Variants in DNAH2 observed in about 807,000 individuals in gnomAD.
The protein encoded by DNAH2 is axonemal beta dynein heavy chain 2.
Under a neutral mutation model 523.5 loss-of-function variants are expected in DNAH2, and 323 were observed. The observed-to-expected ratio is 0.62, with a 90% CI of 0.56 to 0.68. The LOEUF is 0.68. Among genes scored for constraint, DNAH2 ranks in the 30% least tolerant of loss-of-function variants. DNAH2 has a pLI of 0.00. For missense variants in DNAH2, 4,907 were observed against 5,701.5 expected (o/e 0.86, Z 4.49); for synonymous variants, 2,093 against 2,177.4 (o/e 0.96, Z 1.08).
intron 33 of DNAH2, 98 bp downstream of exon 33, chr17:7,777,732 AC>A: frequency 6.8e-7 from 1 of 1,461,728 alleles, no homozygotes; most frequent in Middle Eastern, 2.4e-4. Flanking sequence ...TCCTAAGCCA[AC>A]CCTTAGTCCT....
At position 7,737,149 on chromosome 17, in the gene DNAH2, C is replaced by T; in HGVS notation, c.1061C>T (p.Pro354Leu). 1 of 1,614,028 alleles carries T rather than the reference C, an allele frequency of 6.2e-7. No individual in the cohort carries two copies. Among genetic ancestry groups the T allele is most frequent in the Non-Finnish European group, 8.5e-7 (1 of 1,180,018 alleles). The change falls in exon 8 of 86, where the codon CCC becomes CTC. Residue 354 changes from proline (P) to leucine (L), a missense_variant. By Grantham distance (98) the Pro-to-Leu change is moderately conservative. Around this residue, in one of 3 missense-constraint regions of DNAH2, gnomAD observed 2,806 missense variants for 3,190.8 expected, o/e 0.88. Coordinates refer to ENST00000572933, the MANE Select transcript of DNAH2 (RefSeq NM_020877.5). ...TACCAGGAGTTGGCTTTCATGAAGC[C>T]CAAGGACATCTCTAGCAAGCTCCCT... The part of the protein sequence containing the change: ...EPYQELAFMK[P>L]KDISSKLPKL...
In DNAH2 at chr17:7,767,880, C is replaced by A. The variant is rs547736796; in HGVS notation, c.3676-20C>A. Reference sequence around the variant, plus strand: ...AGAGGGCAGGTGCCACTTCATGCAACGCGCCTTTCTGCCCTGTAGGAGCTC... The same window carrying A: ...AGAGGGCAGGTGCCACTTCATGCAAAGCGCCTTTCTGCCCTGTAGGAGCTC... On this transcript the variant is annotated intron_variant, in intron 22 of 85. Transcript: ENST00000572933. 2 of 1,613,706 alleles carry A rather than the reference C, an allele frequency of 1.2e-6. No homozygotes were observed. Among genetic ancestry groups the A allele is most frequent in the Non-Finnish European group, 8.5e-7 (1 of 1,179,876 alleles).
At chr17:7,770,531 C>T in intron 25 of DNAH2, 26 bp from the exon 26 acceptor site, 1 of 1,613,684 alleles carries the variant, frequency 6.2e-7, no homozygotes, top group Non-Finnish European at 8.5e-7. Context: ...TACCTGACTG[C>T]TGTGTCCCCC....
chr17:7,739,620 TCAC>T, intron 8 of DNAH2, 110 bp from the exon 9 acceptor site: 5 of 954,794 alleles, frequency 5.2e-6, no homozygotes, highest in African/African-American at 3.3e-5. Context: ...TTTTTTTTTT[TCAC>T]TTGCCATCAC....
At position 7,787,040 on chromosome 17, in the gene DNAH2, G is replaced by A. The variant is rs747415389; in HGVS notation, c.6603+7G>A. 9 of 1,613,588 alleles carry A rather than the reference G, an allele frequency of 5.6e-6. No individual in the cohort carries two copies. In the African/African-American group the frequency reaches 6.7e-5, roughly 12 times the overall value. On this transcript the variant is annotated splice_region_variant and intron_variant, in intron 42 of 85. Coordinates refer to ENST00000572933, the MANE Select transcript of DNAH2 (RefSeq NM_020877.5). The stretch of plus-strand genomic sequence containing the variant: ...CATCGCGATGCCCGAGCAGGTCAGG[G>A]ACGCGGCTGACTCCTGGAGGCCTGC...
chr17:7,772,753 TTTG>T (rs2076351868), intron 28 of DNAH2, among the ~76,000 whole-genome samples: 1 of 23,550 alleles, frequency 4.2e-5, no homozygotes, highest in African/African-American at 1.3e-4. Flanking sequence ...ACATTGGTTT[TTTG>T]TTTGTTTGTT....
At chr17:7,768,538 A>G (rs1222912737) in intron 24 of DNAH2, among the ~76,000 whole-genome samples, 2 of 152,210 alleles carry the variant, frequency 1.3e-5, no homozygotes, top group Non-Finnish European at 2.9e-5. Flanking sequence ...ATTACCTCAC[A>G]TACCTATTTT....
rs761015048 is a variant in DNAH2, at chr17:7,801,958, G to A, written c.8913G>A (p.Leu2971=). 1 of 1,614,232 alleles carries A rather than the reference G, an allele frequency of 6.2e-7. No homozygotes were observed. The highest frequency in any genetic ancestry group is 1.1e-5 in the South Asian group (1 of 91,088). Residue 2971 remains leucine (L), a synonymous_variant, in exon 58 of 86, where the codon CTG becomes CTA. Transcript: ENST00000572933. ...ATTCCCAGAAGATGCTGTTGGAACT[G>A]CGGAGACACAACTATGTCACACCCA... The part of the protein sequence containing the change: ...AQYSQKMLLE[L]RRHNYVTPTK...
rs993911588 is a variant in DNAH2, at chr17:7,771,521, G to C, written c.4501+53G>C. On this transcript the variant is annotated intron_variant, in intron 28 of 85. Transcript: ENST00000572933. ...CACAGCCTCGGCAGGCACTCTGCTTGGTCATGGTTGCGTGCTTCATTTATT... is the reference window on the plus strand; with the variant it reads ...CACAGCCTCGGCAGGCACTCTGCTTCGTCATGGTTGCGTGCTTCATTTATT... 4 of 1,601,586 alleles carry C rather than the reference G, an allele frequency of 2.5e-6. No homozygotes were observed. The East Asian group carries it at 8.9e-5, about 36-fold the overall frequency.
chr17:7,823,519 G>A lies in DNAH2; in HGVS notation c.11220G>A (p.Glu3740=), dbSNP rs767896699. The change falls in exon 74 of 86, where the codon GAG becomes GAA. Residue 3740 remains glutamate, a synonymous_variant. Coordinates refer to ENST00000572933, the MANE Select transcript of DNAH2 (RefSeq NM_020877.5). The part of the protein sequence containing the change: ...LADAYWDNIT[E]LDKLTNFHGL... ...ATGCCTACTGGGATAACATCACAGA[G>A]CTAGACAAACTGACCAACTTCCACG... 1.2e-6 allele frequency: 2 copies of A among 1,614,124 alleles called. No homozygotes were observed. Among genetic ancestry groups the A allele is most frequent in the South Asian group, 2.2e-5 (2 of 91,074 alleles).
At chr17:7,726,600 G>A (rs1218395461) in intron 3 of DNAH2, among the ~76,000 whole-genome samples, 1 of 152,142 alleles carries the variant, frequency 6.6e-6, no homozygotes, top group Non-Finnish European at 1.5e-5. Context: ...ACCGCGCCCA[G>A]CCCTCTTTGG....
At position 7,823,827 on chromosome 17, in the gene DNAH2, TCC is replaced by T; in HGVS notation, c.11330-4_11330-3del. 8.1e-6 allele frequency: 13 copies of T among 1,613,646 alleles called. No individual in the cohort carries two copies. Among genetic ancestry groups the T allele is most frequent in the Non-Finnish European group, 1.0e-5 (12 of 1,179,736 alleles). On this transcript the variant is annotated splice_polypyrimidine_tract_variant and splice_region_variant and intron_variant, in intron 74 of 85. Transcript: ENST00000572933. ...CCTCTCCCTGCAATGACTCACCTCATCCCCAGGTGAGTGGGAAAATGCCTGCA... is the reference window on the plus strand; with the variant it reads ...CCTCTCCCTGCAATGACTCACCTCATCCAGGTGAGTGGGAAAATGCCTGCA...
At chr17:7,767,245 C>T (rs924039037) in intron 22 of DNAH2, among the ~76,000 whole-genome samples, 13 of 152,092 alleles carry the variant, frequency 8.5e-5, no homozygotes, top group African/African-American at 3.1e-4. Context: ...AAGGTTCATC[C>T]ATGGTGTGGC....
rs182844279 is a variant in DNAH2 at position 7,811,589 on chromosome 17, C to T, written c.9729+4003C>T. ...AAAGTCTAAAATCAAGGTGCAAGTA[C>T]ATTCAATGTCTGGTAGGGTCAGTTC... On this transcript the variant is annotated intron_variant, in intron 63 of 85. Coordinates refer to ENST00000572933, the MANE Select transcript of DNAH2 (RefSeq NM_020877.5). Among the ~76,000 whole-genome samples, 184 of 152,288 alleles carry T rather than the reference C, an allele frequency of 1.2e-3. 6 individuals are homozygous for T. In the East Asian group the frequency reaches 0.031, roughly 26 times the overall value.
chr17:7,796,972 C>A (rs898350251), intron 50 of DNAH2, among the ~76,000 whole-genome samples: 1 of 149,728 alleles, frequency 6.7e-6, no homozygotes, highest in Non-Finnish European at 1.5e-5. Context: ...CATGGTGGCA[C>A]GCGCCTGTAG....
intron 18 of DNAH2, among the ~76,000 whole-genome samples, chr17:7,762,850 ACTGT>A (rs2076044695): frequency 6.6e-6 from 1 of 151,760 alleles, no homozygotes; most frequent in African/African-American, 2.4e-5. Context: ...AGGCTCTGTT[ACTGT>A]CACTGTATTA....
At chr17:7,741,279 T>C (rs2075320108) in intron 11 of DNAH2, among the ~76,000 whole-genome samples, 1 of 56,626 alleles carries the variant, frequency 1.8e-5, no homozygotes, top group African/African-American at 1.0e-4. Context: ...TCTTTCTTTC[T>C]TTCTTTCTTT....
At chr17:7,825,898 A>AT (rs1244729270) in intron 77 of DNAH2, among the ~76,000 whole-genome samples, 2 of 152,150 alleles carry the variant, frequency 1.3e-5, no homozygotes, top group Non-Finnish European at 2.9e-5. Flanking sequence ...GAGGCAGGAT[A>AT]TTTTTTTAGA....
In DNAH2 at chr17:7,768,241, C is replaced by T. The variant is rs750320752; in HGVS notation, c.3915C>T (p.Asp1305=). The change falls in exon 24 of 86, where the codon GAC becomes GAT. Residue 1305 remains aspartate (D), a synonymous_variant. Transcript: ENST00000572933. ...AGAGGACCATGCCTCTCATCTCAGA[C>T]CTGCGGAACCCTGCCCTTAGAGAGA... ...QFKRTMPLIS[D]LRNPALRERH... is the part of the protein sequence containing the mutation. The T allele has an allele frequency of 5.6e-6, 9 of 1,614,034 alleles. No homozygotes were observed. Among genetic ancestry groups the T allele is most frequent in the African/African-American group, 1.3e-5 (1 of 74,922 alleles).
Sources: gnomAD v4.1 joint callset for allele counts (sites outside exome capture counted in the v4.1 genomes callset) on GRCh38, gnomAD v4.1.1 for gene constraint, gnomAD v4.1.1 regional missense constraint, MANE v1.5 for transcripts, NCBI Gene and HGNC (gene_info 2026-07-23, HGNC 2026-07-21) for gene names.